Variants in LDLRAD4 observed in about 807,000 individuals in gnomAD.
LDLRAD4 encodes low-density lipoprotein receptor class A domain-containing protein 4.
A neutral mutation model predicts 17.0 loss-of-function variants in LDLRAD4; 5 were observed. That is an observed-to-expected ratio of 0.29 (90% confidence interval 0.15 to 0.62). The LOEUF is 0.62. Ranked by LOEUF, LDLRAD4 falls within the 20% of genes least tolerant of loss-of-function variation. LDLRAD4 has a pLI of 0.84. For missense variants in LDLRAD4, 340 were observed against 424.7 expected (o/e 0.80, Z 1.75); for synonymous variants, 168 against 171.8 (o/e 0.98, Z 0.17).
intron 3 of LDLRAD4, among the ~76,000 whole-genome samples, chr18:13,532,035 CA>C (rs1196892031): frequency 6.6e-6 from 1 of 152,120 alleles, no homozygotes; most frequent in Non-Finnish European, 1.5e-5. Flanking sequence ...GCCTGGTGGT[CA>C]TGTTACTTTG....
At chr18:13,441,998 G>A (rs1166317909) in intron 3 of LDLRAD4, among the ~76,000 whole-genome samples, 2 of 152,220 alleles carry the variant, frequency 1.3e-5, no homozygotes, top group Non-Finnish European at 2.9e-5. Context: ...GAGGAAATAT[G>A]CTGTCAGCCT....
At chr18:13,281,844 A>G (rs1414429222) in intron 1 of LDLRAD4, among the ~76,000 whole-genome samples, 1 of 152,060 alleles carries the variant, frequency 6.6e-6, no homozygotes, top group East Asian at 1.9e-4. Flanking sequence ...CCATCTCACC[A>G]TTGTCCCCGA....
chr18:13,568,610 A>G, intron 3 of LDLRAD4, among the ~76,000 whole-genome samples: 1 of 152,194 alleles, frequency 6.6e-6, no homozygotes. Flanking sequence ...CCGTAAGGCC[A>G]CACCAGCTGC....
chr18:13,525,255 G>A (rs1355501112), intron 3 of LDLRAD4, among the ~76,000 whole-genome samples: 1 of 152,178 alleles, frequency 6.6e-6, no homozygotes, highest in Non-Finnish European at 1.5e-5. Flanking sequence ...GTCCCTATTT[G>A]TAAAATAGAG....
At chr18:13,591,094 A>T in intron 3 of LDLRAD4, among the ~76,000 whole-genome samples, 1 of 152,228 alleles carries the variant, frequency 6.6e-6, no homozygotes, top group East Asian at 1.9e-4. Context: ...GAACAATTAC[A>T]GTCTCTGAAA....
chr18:13,251,836 A>T (rs2043235144), intron 1 of LDLRAD4, among the ~76,000 whole-genome samples: 1 of 152,236 alleles, frequency 6.6e-6, no homozygotes, highest in Admixed American at 6.5e-5. Context: ...TAAGGAGATG[A>T]TATTCTTGAA....
chr18:13,631,555 A>G (rs921262397), intron 4 of LDLRAD4, among the ~76,000 whole-genome samples: 2 of 152,220 alleles, frequency 1.3e-5, no homozygotes, highest in Admixed American at 6.5e-5. Flanking sequence ...AAAGATAACC[A>G]TAGACTAATA....
intron 3 of LDLRAD4, among the ~76,000 whole-genome samples, chr18:13,558,357 G>T (rs1185987676): frequency 6.6e-6 from 1 of 152,198 alleles, no homozygotes; most frequent in Non-Finnish European, 1.5e-5. Context: ...GCCTACCTCA[G>T]TTCCCCTATT....
chr18:13,583,493 G>T (rs1386069215), intron 3 of LDLRAD4, among the ~76,000 whole-genome samples: 5 of 152,078 alleles, frequency 3.3e-5, no homozygotes, highest in Non-Finnish European at 7.3e-5. Context: ...ATGGGATTGG[G>T]AACTTTAAAT....
At chr18:13,311,993 G>A (rs1013931132) in intron 1 of LDLRAD4, among the ~76,000 whole-genome samples, 14 of 151,910 alleles carry the variant, frequency 9.2e-5, no homozygotes, top group East Asian at 3.9e-4. Context: ...CACCACACCC[G>A]GCTATTTTTT....
chr18:13,314,778 A>C (rs1301001532), intron 1 of LDLRAD4, among the ~76,000 whole-genome samples: 1 of 152,238 alleles, frequency 6.6e-6, no homozygotes, highest in Non-Finnish European at 1.5e-5. Context: ...TAAGAGACCG[A>C]GATCCTGGGG....
chr18:13,421,529 C>T (rs1158703937), intron 2 of LDLRAD4, among the ~76,000 whole-genome samples: 2 of 151,552 alleles, frequency 1.3e-5, no homozygotes, highest in Non-Finnish European at 2.9e-5. Flanking sequence ...TGCATCCAGT[C>T]CCATCCCTGC....
At position 13,451,083 on chromosome 18, in the gene LDLRAD4, C is replaced by T. The variant is rs569176720; in HGVS notation, c.181+12699C>T. ...AGATGGCTTAGTTTAGTTCTGCACT[C>T]AGGAAAGGAAACTGAAGCCTGAGAT... On this transcript the variant is annotated intron_variant, in intron 3 of 5. Transcript: ENST00000359446. Among the ~76,000 whole-genome samples the T allele has an allele frequency of 3.9e-5, 6 of 152,304 alleles. No homozygotes were observed. In the South Asian group the frequency reaches 1.2e-3, roughly 32 times the overall value.
intron 3 of LDLRAD4, chr18:13,612,399 C>T: frequency 8.3e-7 from 1 of 1,206,666 alleles, no homozygotes; most frequent in South Asian, 2.3e-5. Flanking sequence ...GGCCGGCTTC[C>T]TGCCGCAGAG....
intron 1 of LDLRAD4, among the ~76,000 whole-genome samples, chr18:13,312,658 C>T (rs2047303687): frequency 6.6e-6 from 1 of 152,114 alleles, no homozygotes; most frequent in African/African-American, 2.4e-5. Context: ...AGAAGGATTG[C>T]TTGAGTCTAG....
At chr18:13,568,800 G>GAAA (rs2094642775) in intron 3 of LDLRAD4, among the ~76,000 whole-genome samples, 5 of 152,322 alleles carry the variant, frequency 3.3e-5, no homozygotes, top group Admixed American at 3.3e-4. Context: ...AGGTCTTCCT[G>GAAA]TCTCTTACCT....
intron 3 of LDLRAD4, among the ~76,000 whole-genome samples, chr18:13,450,189 C>T (rs760677730): frequency 1.3e-5 from 2 of 152,228 alleles, no homozygotes; most frequent in Non-Finnish European, 2.9e-5. Flanking sequence ...GTGCCTCCCA[C>T]TGAAGCCCCA....
chr18:13,253,560 G>C (rs568102322), intron 1 of LDLRAD4, among the ~76,000 whole-genome samples: 2 of 152,236 alleles, frequency 1.3e-5, no homozygotes, highest in Admixed American at 6.5e-5. Flanking sequence ...TATGACACAT[G>C]GTGCTAATGG....
chr18:13,373,317 G>C (rs2084660319), intron 1 of LDLRAD4, among the ~76,000 whole-genome samples: 1 of 152,046 alleles, frequency 6.6e-6, no homozygotes, highest in South Asian at 2.1e-4. Flanking sequence ...TTTTAAGTTT[G>C]TGTATGACAT....
Sources: gnomAD v4.1 joint callset for allele counts (sites outside exome capture counted in the v4.1 genomes callset) on GRCh38, gnomAD v4.1.1 for gene constraint, MANE v1.5 for transcripts, NCBI Gene and HGNC (gene_info 2026-07-23, HGNC 2026-07-21) for gene names.